Variants in PLCXD3 observed in about 807,000 individuals in gnomAD.
PLCXD3 encodes the protein phosphatidylinositol specific phospholipase C X domain containing 3.
In PLCXD3, 19 loss-of-function variants were observed where a neutral mutation model predicts 25.5. The observed-to-expected ratio is 0.75, with a 90% CI of 0.52 to 1.09. PLCXD3 has a LOEUF of 1.09. Among genes scored for constraint, PLCXD3 ranks in the 50% least tolerant of loss-of-function variants. The probability of loss-of-function intolerance (pLI) is 0.00; values close to 1 mark genes in which losing one functional copy is unlikely to be tolerated. For missense variants in PLCXD3, 411 were observed against 388.1 expected, an observed-to-expected ratio of 1.06 and a Z score of -0.50; for synonymous variants, 174 against 137.6, an observed-to-expected ratio of 1.26 and a Z score of -1.85.
At chr5:41,325,695 C>T (rs561897368) in intron 2 of PLCXD3, among the ~76,000 whole-genome samples, 2 of 152,190 alleles carry the variant, frequency 1.3e-5, no homozygotes, top group East Asian at 1.9e-4. Flanking sequence ...TAAGAATGAA[C>T]TGAAAGATGA....
chr5:41,318,273 G>C (rs1299034629), intron 2 of PLCXD3, among the ~76,000 whole-genome samples: 1 of 152,042 alleles, frequency 6.6e-6, no homozygotes, highest in African/African-American at 2.4e-5. Flanking sequence ...GTAATGGTAA[G>C]TACACAGAAA....
intron 2 of PLCXD3, among the ~76,000 whole-genome samples, chr5:41,370,056 A>G (rs565226847): frequency 1.3e-5 from 2 of 152,292 alleles, no homozygotes; most frequent in East Asian, 3.9e-4. Flanking sequence ...AACAACTTGT[A>G]AGCTTTTTTG....
Position 41,313,873 on chromosome 5 carries a change from T to A in PLCXD3, c.813-103A>T, listed in dbSNP as rs180721386. 9.1e-4 allele frequency: 1,217 copies of A among 1,337,418 alleles called. 12 individuals carry two copies. In the African/African-American group the frequency reaches 0.016, roughly 18 times the overall value. 82.8% of individuals were successfully genotyped at this position (1,337,418 alleles called of 1,614,324 possible). A position where few individuals can be genotyped will look rare whatever the true frequency, so the allele number is the denominator to read the frequency against. ...TTAGTTTCTAGCTTATTAAAATAAA[T>A]GTTTCACGTATAGGTACAGGAAGGG... On this transcript the variant is annotated intron_variant, in intron 2 of 2. Coordinates refer to ENST00000377801, the MANE Select transcript of PLCXD3 (RefSeq NM_001005473.3).
At chr5:41,359,198 C>A (rs1744705032) in intron 2 of PLCXD3, among the ~76,000 whole-genome samples, 1 of 152,076 alleles carries the variant, frequency 6.6e-6, no homozygotes, top group South Asian at 2.1e-4. Flanking sequence ...ATGTCCTTCC[C>A]TGGTTTTGGT....
intron 1 of PLCXD3, among the ~76,000 whole-genome samples, chr5:41,389,778 T>C (rs1745752584): frequency 6.6e-6 from 1 of 152,202 alleles, no homozygotes; most frequent in South Asian, 2.1e-4. Flanking sequence ...ATACACATCA[T>C]ATATATTTTA....
chr5:41,479,728 A>AG (rs1748357336), intron 1 of PLCXD3, among the ~76,000 whole-genome samples: 1 of 150,224 alleles, frequency 6.7e-6, no homozygotes, highest in South Asian at 2.1e-4. Context: ...AGAGAGAGAG[A>AG]AAGAGAGAGA....
At chr5:41,325,026 T>C (rs1285927173) in intron 2 of PLCXD3, among the ~76,000 whole-genome samples, 2 of 152,180 alleles carry the variant, frequency 1.3e-5, no homozygotes, top group Non-Finnish European at 2.9e-5. Context: ...ATGCCGTCTG[T>C]TACTCAGAAG....
chr5:41,358,157 T>G (rs558129581), intron 2 of PLCXD3, among the ~76,000 whole-genome samples: 1 of 152,170 alleles, frequency 6.6e-6, no homozygotes, highest in African/African-American at 2.4e-5. Context: ...AGTCTTGAGA[T>G]AGGTTGAATT....
chr5:41,419,438 A>G (rs762451755), intron 1 of PLCXD3, among the ~76,000 whole-genome samples: 1 of 152,198 alleles, frequency 6.6e-6, no homozygotes, highest in African/African-American at 2.4e-5. Context: ...TGTTTTTCCA[A>G]TAGAAAACAA....
intron 1 of PLCXD3, among the ~76,000 whole-genome samples, chr5:41,384,720 C>T (rs1407909101): frequency 6.6e-6 from 1 of 152,002 alleles, no homozygotes; most frequent in Non-Finnish European, 1.5e-5. Flanking sequence ...GCAAGGAAAT[C>T]ACCACTTTTG....
At chr5:41,412,104 C>T (rs1746563861) in intron 1 of PLCXD3, among the ~76,000 whole-genome samples, 1 of 151,910 alleles carries the variant, frequency 6.6e-6, no homozygotes, top group Admixed American at 6.6e-5. Flanking sequence ...TTTTAATACA[C>T]TGAACTGTTT....
intron 1 of PLCXD3, among the ~76,000 whole-genome samples, chr5:41,451,394 T>C (rs576403331): frequency 1.3e-5 from 2 of 152,152 alleles, no homozygotes; most frequent in South Asian, 2.1e-4. Flanking sequence ...GGGATTCTAT[T>C]TACAATTCAA....
chr5:41,382,394 T>TTG lies in PLCXD3; in HGVS notation c.242_243dup (p.Met82GlnfsTer2). ...GCTCCTAGCTGGCCAGTAAAATTCATTGTCTGAGTGGCTAACCATTTCCGC... is the reference window on the plus strand; with the variant it reads ...GCTCCTAGCTGGCCAGTAAAATTCATTGTGTCTGAGTGGCTAACCATTTCCGC... On this transcript the variant is annotated frameshift_variant, in exon 2 of 3. Transcript: ENST00000377801. LOFTEE classifies it high-confidence loss of function. 1 of 1,613,556 alleles carries TTG rather than the reference T, an allele frequency of 6.2e-7. No homozygotes were observed. Among genetic ancestry groups the TTG allele is most frequent in the Non-Finnish European group, 8.5e-7 (1 of 1,179,704 alleles).
chr5:41,369,514 T>A (rs1409010818), intron 2 of PLCXD3, among the ~76,000 whole-genome samples: 1 of 152,172 alleles, frequency 6.6e-6, no homozygotes, highest in East Asian at 1.9e-4. Flanking sequence ...AGGGTCTTGC[T>A]CTGTCACCCA....
At chr5:41,364,587 C>T (rs1045566110) in intron 2 of PLCXD3, among the ~76,000 whole-genome samples, 2 of 152,132 alleles carry the variant, frequency 1.3e-5, no homozygotes, top group African/African-American at 4.8e-5. Context: ...GTGCTATTCC[C>T]ACTCTATATT....
chr5:41,449,562 A>G (rs1431486293), intron 1 of PLCXD3, among the ~76,000 whole-genome samples: 1 of 152,192 alleles, frequency 6.6e-6, no homozygotes, highest in Admixed American at 6.5e-5. Flanking sequence ...AGGTGATCAT[A>G]AAAGGACCAT....
Position 41,382,405 on chromosome 5 carries a change from G to T in PLCXD3, c.233C>A (p.Ala78Asp). The change falls in exon 2 of 3, where the codon GCC (alanine) becomes GAC (aspartate). Residue 78 changes from alanine (A) to aspartate (D), a missense_variant. Coordinates refer to ENST00000377801, the MANE Select transcript of PLCXD3 (RefSeq NM_001005473.3). ...VAKKLMRKWL[A>D]TQTMNFTGQL... The stretch of plus-strand genomic sequence containing the variant: ...GCCAGTAAAATTCATTGTCTGAGTG[G>T]CTAACCATTTCCGCATGAGCTTTTT... 2.5e-6 allele frequency: 4 copies of T among 1,613,478 alleles called. No homozygotes were observed. The highest frequency in any genetic ancestry group is 3.4e-6 in the Non-Finnish European group (4 of 1,179,696).
intron 1 of PLCXD3, among the ~76,000 whole-genome samples, chr5:41,476,989 C>A (rs1002280652): frequency 6.6e-6 from 1 of 152,124 alleles, no homozygotes; most frequent in Non-Finnish European, 1.5e-5. Context: ...GTTTTTCTGT[C>A]AATGACAATG....
rs115851744 is a variant in PLCXD3 at position 41,378,456 on chromosome 5, C to A, written c.812+3370G>T. Among the ~76,000 whole-genome samples, 532 of 152,144 alleles carry A rather than the reference C, an allele frequency of 3.5e-3. 5 individuals carry two copies. Among genetic ancestry groups the A allele is most frequent in the African/African-American group, 0.012 (516 of 41,538 alleles). On this transcript the variant is annotated intron_variant, in intron 2 of 2. Transcript: ENST00000377801. ...AATCCTATAGAGGAAAGAATTAGTT[C>A]TCTATATGGAGTCTTCATTCCTACT...
Sources: allele counts gnomAD v4.1 joint callset (sites outside exome capture counted in the v4.1 genomes callset), GRCh38; gene constraint gnomAD v4.1.1; transcripts MANE v1.5; gene names NCBI Gene and HGNC (gene_info 2026-07-23, HGNC 2026-07-21).